The following FOXK2 variants were observed in gnomAD, a reference collection of about 807,000 sequenced individuals.
FOXK2 encodes forkhead box protein K2.
A neutral mutation model predicts 53.3 loss-of-function variants in FOXK2; 24 were observed. The observed-to-expected ratio is 0.45, with a 90% CI of 0.33 to 0.63. The LOEUF (loss-of-function observed/expected upper bound fraction) is 0.63, where lower values mean the gene tolerates loss of function less well. Among genes scored for constraint, FOXK2 ranks in the 30% least tolerant of loss-of-function variants. The probability of loss-of-function intolerance (pLI) is 0.03; values close to 1 mark genes in which losing one functional copy is unlikely to be tolerated. For missense variants in FOXK2, 952 were observed against 910.5 expected, an observed-to-expected ratio of 1.05 and a Z score of -0.59; for synonymous variants, 505 against 407.1, an observed-to-expected ratio of 1.24 and a Z score of -2.89.
At position 82,562,115 on chromosome 17, in the gene FOXK2, G is replaced by T. The variant is rs117761887; in HGVS notation, c.420-1239G>T. Reference sequence around the variant, plus strand: ...TATTTTTAAATTTTATTCTTTGAAGGTATTTGGCTTGCATGACCTTTGTTT... The same window carrying T: ...TATTTTTAAATTTTATTCTTTGAAGTTATTTGGCTTGCATGACCTTTGTTT... On this transcript the variant is annotated intron_variant, in intron 1 of 8. Transcript: ENST00000335255. Among the ~76,000 whole-genome samples, 1,273 of 152,338 alleles carry T rather than the reference G, an allele frequency of 8.4e-3. 7 individuals carry two copies. Among genetic ancestry groups the T allele is most frequent in the Middle Eastern group, 0.024 (7 of 294 alleles).
intron 8 of FOXK2, among the ~76,000 whole-genome samples, chr17:82,588,005 AAG>A (rs2045210799): frequency 6.6e-6 from 1 of 151,768 alleles, no homozygotes; most frequent in Admixed American, 6.5e-5. Flanking sequence ...CTTTCTTTGA[AAG>A]AGGGTACAGG....
At chr17:82,564,410 T>C (rs931435436) in intron 2 of FOXK2, among the ~76,000 whole-genome samples, 14 of 151,822 alleles carry the variant, frequency 9.2e-5, no homozygotes, top group Non-Finnish European at 1.9e-4. Flanking sequence ...GTTTTGTTTT[T>C]TGTTTTTAAG....
At chr17:82,521,482 A>G (rs1257718993) in intron 1 of FOXK2, among the ~76,000 whole-genome samples, 3 of 150,836 alleles carry the variant, frequency 2.0e-5, no homozygotes, top group Admixed American at 1.3e-4. Flanking sequence ...TACAAATTGG[A>G]ATTTTTAACG....
At chr17:82,542,517 T>C (rs2044584687) in intron 1 of FOXK2, among the ~76,000 whole-genome samples, 1 of 152,082 alleles carries the variant, frequency 6.6e-6, no homozygotes, top group Non-Finnish European at 1.5e-5. Flanking sequence ...ACTGTCCTGC[T>C]CAGGTTGGTG....
At chr17:82,594,280 C>T (rs1012365727) in intron 8 of FOXK2, among the ~76,000 whole-genome samples, 3 of 152,110 alleles carry the variant, frequency 2.0e-5, no homozygotes, top group Admixed American at 6.6e-5. Flanking sequence ...GGGCGGATCA[C>T]GAGGTCAGGA....
chr17:82,562,209 C>G (rs544329868), intron 1 of FOXK2, among the ~76,000 whole-genome samples: 195 of 152,290 alleles, frequency 1.3e-3, no homozygotes, highest in African/African-American at 4.5e-3. Context: ...CACTGCAAAC[C>G]TTCTCCCCTG....
intron 1 of FOXK2, among the ~76,000 whole-genome samples, chr17:82,532,011 TTTTA>T (rs1292443784): frequency 2.0e-5 from 3 of 151,626 alleles, no homozygotes; most frequent in Non-Finnish European, 4.4e-5. Flanking sequence ...CGGCTAATTA[TTTTA>T]TTTTATTTTA....
rs766246159 is a variant in FOXK2, at chr17:82,571,870, G to GAATTCAATTC, written c.909_909+1insAATTCAATTC (p.Arg307GlnfsTer36). ...ACAGGACTGCGGACAAGGGCTGGCA[G>GAATTCAATTC]GTAAATGCCTTCAGTTTGTTGTTAA... On this transcript the variant is annotated frameshift_variant and splice_region_variant. Transcript: ENST00000335255. LOFTEE classifies it high-confidence loss of function. 3.4e-5 allele frequency: 53 copies of GAATTCAATTC among 1,549,796 alleles called. No individual in the cohort carries two copies. The East Asian group carries it at 1.3e-3, about 37-fold the overall frequency.
At chr17:82,528,696 C>T (rs1157476226) in intron 1 of FOXK2, among the ~76,000 whole-genome samples, 2 of 152,330 alleles carry the variant, frequency 1.3e-5, no homozygotes, top group South Asian at 2.1e-4. Context: ...ACAGCCCCTG[C>T]GGCCCTGCTT....
intron 1 of FOXK2, 36 bp from the exon 2 acceptor site, chr17:82,563,318 A>AGCAAAAGGTGCTGATG: frequency 6.3e-7 from 1 of 1,591,844 alleles, no homozygotes; most frequent in Non-Finnish European, 8.6e-7. Flanking sequence ...CGGCTGGAAC[A>AGCAAAAGGTGCTGATG]GCAAAAGGTG....
intron 4 of FOXK2, chr17:82,577,128 C>T: frequency 1.6e-6 from 1 of 624,990 alleles, no homozygotes; most frequent in Non-Finnish European, 2.8e-6. Context: ...CGTCATTGCA[C>T]TCCAGCCTGG....
chr17:82,537,298 A>G (rs758913945), intron 1 of FOXK2, among the ~76,000 whole-genome samples: 14 of 152,204 alleles, frequency 9.2e-5, no homozygotes, highest in Admixed American at 5.2e-4. Flanking sequence ...ATTTAAAAAT[A>G]TTGTGAAATA....
At chr17:82,540,412 TG>T (rs1219480131) in intron 1 of FOXK2, among the ~76,000 whole-genome samples, 1 of 152,216 alleles carries the variant, frequency 6.6e-6, no homozygotes, top group Non-Finnish European at 1.5e-5. Flanking sequence ...GCACGATTGT[TG>T]TTTGTGGGTA....
At chr17:82,579,001 C>G (rs181550094) in intron 4 of FOXK2, among the ~76,000 whole-genome samples, 76 of 152,300 alleles carry the variant, frequency 5.0e-4, no homozygotes, top group African/African-American at 1.7e-3. Context: ...GCCTTCACTT[C>G]GGGGCTTGTT....
chr17:82,576,794 G>A (rs1598222371), intron 4 of FOXK2: 1 of 593,790 alleles, frequency 1.7e-6, no homozygotes, highest in Non-Finnish European at 3.0e-6. Flanking sequence ...CTGTAATGTG[G>A]TGGTGAAAGC....
At chr17:82,523,622 A>G (rs2044388952) in intron 1 of FOXK2, among the ~76,000 whole-genome samples, 1 of 151,676 alleles carries the variant, frequency 6.6e-6, no homozygotes, top group Admixed American at 6.6e-5. Context: ...ACAGGTGTGC[A>G]CTACACCACC....
chr17:82,557,838 T>C (rs932403344), intron 1 of FOXK2, among the ~76,000 whole-genome samples: 1 of 152,038 alleles, frequency 6.6e-6, no homozygotes, highest in African/African-American at 2.4e-5. Context: ...TTTGTAGATA[T>C]GTGGGGGTCT....
At chr17:82,537,619 C>CA (rs963026198) in intron 1 of FOXK2, among the ~76,000 whole-genome samples, 9,116 of 52,326 alleles carry the variant, frequency 0.17, 886 homozygotes, top group East Asian at 0.33. Flanking sequence ...GACTCCATCT[C>CA]AAAAAAAAAA....
chr17:82,521,884 C>G (rs945192364), intron 1 of FOXK2, among the ~76,000 whole-genome samples: 1 of 150,524 alleles, frequency 6.6e-6, no homozygotes, highest in Non-Finnish European at 1.5e-5. Context: ...TTGCAGCCAG[C>G]GAGATCGCAC....
Sources: gnomAD v4.1 joint callset for allele counts (sites outside exome capture counted in the v4.1 genomes callset) on GRCh38, gnomAD v4.1.1 for gene constraint, MANE v1.5 for transcripts, NCBI Gene and HGNC (gene_info 2026-07-23, HGNC 2026-07-21) for gene names.